DOCK7: variants seen among roughly 807,000 people sequenced by gnomAD.
DOCK7 encodes the protein dedicator of cytokinesis protein 7.
Under a neutral mutation model 271.0 loss-of-function variants are expected in DOCK7, and 138 were observed. The observed-to-expected ratio is 0.51, with a 90% CI of 0.44 to 0.59. The LOEUF (loss-of-function observed/expected upper bound fraction) is 0.59. DOCK7 is among the 20% of genes least tolerant of loss of function. DOCK7 has a pLI of 0.00. For missense variants in DOCK7, 2,066 were observed against 2,592.4 expected, an observed-to-expected ratio of 0.80 and a Z score of 4.41; for synonymous variants, 823 against 876.1, an observed-to-expected ratio of 0.94 and a Z score of 1.07.
chr1:62,583,218 T>G lies in DOCK7; in HGVS notation c.1837A>C (p.Lys613Gln). ...FGKSSCSEFS[K>Q]EAYTAVVYHN... ...TATACTACGGCTGTATAGGCTTCCT[T>G]TGAAAATTCTGAACAGCTAGATTTA... is the stretch of plus-strand genomic sequence containing the variant. The change falls in exon 16 of 50, where the codon AAG becomes CAG. Residue 613 changes from lysine (K) to glutamine (Q), a missense_variant. Lys to Gln is a moderately conservative substitution (Grantham distance 53). This residue lies in a region of DOCK7 where 1,414 missense variants were observed against 1,670.4 expected (regional missense o/e 0.85). Transcript: ENST00000635253. 6.2e-7 allele frequency: 1 copy of G among 1,613,520 alleles called. No individual in the cohort carries two copies. The highest frequency in any genetic ancestry group is 8.5e-7 in the Non-Finnish European group (1 of 1,179,672).
At chr1:62,604,397 G>A in intron 14 of DOCK7, 1 of 948,992 alleles carries the variant, frequency 1.1e-6, no homozygotes, top group South Asian at 1.7e-5. Flanking sequence ...GTTCATTCTA[G>A]TTCAATCAGG....
chr1:62,554,914 C>A (rs566179365), intron 21 of DOCK7, among the ~76,000 whole-genome samples: 1 of 152,292 alleles, frequency 6.6e-6, no homozygotes, highest in Non-Finnish European at 1.5e-5. Context: ...AATTTAAAAT[C>A]AGGTTACTAT....
At chr1:62,479,756 T>G in intron 43 of DOCK7, 1 of 375,444 alleles carries the variant, frequency 2.7e-6, no homozygotes, top group South Asian at 2.0e-5. Flanking sequence ...CAACCACAGC[T>G]CACTACAGCT....
At chr1:62,487,522 C>G (rs981523175) in intron 42 of DOCK7, 110 bp from the exon 43 acceptor site, 1 of 921,630 alleles carries the variant, frequency 1.1e-6, no homozygotes, top group African/African-American at 1.7e-5. Flanking sequence ...CAGAAGACAG[C>G]AGGATATTTT....
intron 12 of DOCK7, among the ~76,000 whole-genome samples, chr1:62,621,166 C>T (rs374959545): frequency 1.3e-5 from 2 of 150,462 alleles, no homozygotes; most frequent in Admixed American, 6.6e-5. Context: ...AGGATTTAGA[C>T]GAGGGAGGGA....
In DOCK7 at chr1:62,513,807, A is replaced by G. The variant is rs769845153; in HGVS notation, c.4028T>C (p.Val1343Ala). The change falls in exon 32 of 50, where the codon GTT becomes GCT. Residue 1343 changes from valine (V) to alanine (A), a missense_variant. By Grantham distance (64) the Val-to-Ala change is moderately conservative. This residue lies in a region of DOCK7 where 1,414 missense variants were observed against 1,670.4 expected (regional missense o/e 0.85). Transcript: ENST00000635253. The stretch of plus-strand genomic sequence containing the variant: ...GAGATCTGTAAACCACTTCTGTAGA[A>G]CTGTTTCATCTGCATTTTTGAGAAC... ...LWVLKNADETVLQKWFTDLSV... is the reference protein window; with the variant it reads ...LWVLKNADETALQKWFTDLSV... The G allele has an allele frequency of 5.6e-6, 9 of 1,614,014 alleles. No individual in the cohort carries two copies. The highest frequency in any genetic ancestry group is 1.3e-5 in the African/African-American group (1 of 74,928).
intron 22 of DOCK7, among the ~76,000 whole-genome samples, chr1:62,549,656 A>G (rs1047649879): frequency 1.3e-4 from 20 of 152,184 alleles, no homozygotes; most frequent in African/African-American, 4.8e-4. Context: ...AAAGAATCAA[A>G]TTATATATAC....
chr1:62,555,597 G>C (rs1030937299), intron 21 of DOCK7, among the ~76,000 whole-genome samples: 5 of 152,072 alleles, frequency 3.3e-5, no homozygotes, highest in Non-Finnish European at 7.4e-5. Context: ...ACTCAACCAA[G>C]AACTCTAATT....
chr1:62,545,465 C>A (rs1019614578), intron 22 of DOCK7, among the ~76,000 whole-genome samples: 3 of 152,038 alleles, frequency 2.0e-5, no homozygotes, highest in Non-Finnish European at 4.4e-5. Context: ...TTCATTCCAT[C>A]TCTCATCAAC....
At chr1:62,489,204 C>G in intron 41 of DOCK7, 139 bp from the exon 42 acceptor site, 1 of 746,280 alleles carries the variant, frequency 1.3e-6, no homozygotes, top group South Asian at 2.4e-5. Flanking sequence ...AATCCCAGCA[C>G]TTTGGGAGGC....
chr1:62,646,723 C>T (rs752241213), intron 7 of DOCK7, among the ~76,000 whole-genome samples: 22 of 152,270 alleles, frequency 1.4e-4, no homozygotes, highest in Admixed American at 2.0e-4. Context: ...GTGTCAGCTA[C>T]GCATTCTATG....
intron 29 of DOCK7, chr1:62,530,850 T>C (rs1645152776): frequency 6.5e-6 from 1 of 152,788 alleles, no homozygotes; most frequent in African/African-American, 2.4e-5. Flanking sequence ...AAACATGCTG[T>C]GCCCCCAAAA....
At chr1:62,597,739 A>G in intron 14 of DOCK7, 1 of 1,613,626 alleles carries the variant, frequency 6.2e-7, no homozygotes, top group Non-Finnish European at 8.5e-7. Context: ...CATGGTCTTA[A>G]AGACTTTGTC....
chr1:62,502,387 C>A (rs1378406963), intron 37 of DOCK7, among the ~76,000 whole-genome samples: 2 of 152,228 alleles, frequency 1.3e-5, no homozygotes, highest in African/African-American at 4.8e-5. Context: ...GTTTTATAAG[C>A]CCAATTTCGC....
At chr1:62,657,832 T>C (rs1658205839) in intron 2 of DOCK7, among the ~76,000 whole-genome samples, 1 of 150,886 alleles carries the variant, frequency 6.6e-6, no homozygotes, top group Non-Finnish European at 1.5e-5. Context: ...GAAAGAAAAA[T>C]AGAAATTATC....
At chr1:62,636,353 C>A (rs1655271702) in intron 8 of DOCK7, among the ~76,000 whole-genome samples, 184 bp downstream of exon 8, 1 of 152,140 alleles carries the variant, frequency 6.6e-6, no homozygotes, top group African/African-American at 2.4e-5. Context: ...GAAACAATAA[C>A]CTGTTTTCAA....
chr1:62,550,902 G>A (rs1205278338), intron 22 of DOCK7, among the ~76,000 whole-genome samples: 1 of 151,906 alleles, frequency 6.6e-6, no homozygotes. Flanking sequence ...TGTATTTTTA[G>A]TAGAGGCGAG....
chr1:62,641,884 G>C (rs2149661489), intron 7 of DOCK7, among the ~76,000 whole-genome samples: 2 of 152,128 alleles, frequency 1.3e-5, no homozygotes, highest in Middle Eastern at 6.8e-3. Flanking sequence ...GCTTTCATTA[G>C]GTTAATATTT....
rs541820318 is a variant in DOCK7 at position 62,580,891 on chromosome 1, A to G, written c.1872-1925T>C. On this transcript the variant is annotated intron_variant, in intron 16 of 49. Coordinates refer to ENST00000635253, the MANE Select transcript of DOCK7 (RefSeq NM_001367561.1). ...AAAGAATAATATTTCACAACATGTG[A>G]AAATAATATGAAATTCAAATTTCAA... Among the ~76,000 whole-genome samples the G allele has an allele frequency of 2.0e-5, 3 of 152,332 alleles. No homozygotes were observed. The South Asian group carries it at 6.2e-4, about 32-fold the overall frequency.
Sources: gnomAD v4.1 joint callset for allele counts (sites outside exome capture counted in the v4.1 genomes callset) on GRCh38, gnomAD v4.1.1 for gene constraint, gnomAD v4.1.1 regional missense constraint, MANE v1.5 for transcripts, NCBI Gene and HGNC (gene_info 2026-07-23, HGNC 2026-07-21) for gene names.